LBP: variants seen among roughly 807,000 people sequenced by gnomAD.
LBP encodes lipopolysaccharide binding protein, also known as lipopolysaccharide-binding protein.
LBP carries 53 observed loss-of-function variants against 56.6 expected under a neutral mutation model. That is an observed-to-expected ratio of 0.94 (90% CI 0.75 to 1.18). LBP has a LOEUF of 1.18. Among genes scored for constraint, LBP ranks in the 50% most tolerant of loss-of-function variants. LBP has a pLI of 0.00. For synonymous variants in LBP, 227 were observed against 247.5 expected, an observed-to-expected ratio of 0.92 and a Z score of 0.78; for missense variants, 601 against 598.3, an observed-to-expected ratio of 1.00 and a Z score of -0.05.
Position 38,369,051 on chromosome 20 carries a change from T to C in LBP, c.1038T>C (p.Ala346=), listed in dbSNP as rs974029806. Residue 346 remains alanine, a synonymous_variant, in exon 10 of 15, where the codon GCT becomes GCC. Transcript: ENST00000217407. ...AACTCCAGGGATCAGTGCCCTCTGCTCCGCTCCTGAACTTCAGCCCTGGGA... is the reference window on the plus strand; with the variant it reads ...AACTCCAGGGATCAGTGCCCTCTGCCCCGCTCCTGAACTTCAGCCCTGGGA... ...NLELQGSVPS[A]PLLNFSPGNL... The C allele has an allele frequency of 8.7e-6, 14 of 1,613,990 alleles. No individual in the cohort carries two copies. Among genetic ancestry groups the C allele is most frequent in the Non-Finnish European group, 1.1e-5 (13 of 1,180,020 alleles).
chr20:38,357,866 T>G (rs2076846760), intron 5 of LBP, among the ~76,000 whole-genome samples: 1 of 152,246 alleles, frequency 6.6e-6, no homozygotes, highest in Non-Finnish European at 1.5e-5. Flanking sequence ...ATGGCATTTG[T>G]AAACTGTCTT....
chr20:38,365,710 AAAAAAAAATATAT>A (rs1324246152), intron 8 of LBP, among the ~76,000 whole-genome samples: 546 of 42,672 alleles, frequency 0.013, 6 homozygotes, highest in African/African-American at 0.033. Context: ...AAAAAAAAAA[AAAAAAAAATATAT>A]ATATATATAT....
At chr20:38,359,411 G>A (rs1192701462) in intron 5 of LBP, among the ~76,000 whole-genome samples, 1 of 151,908 alleles carries the variant, frequency 6.6e-6, no homozygotes, top group Non-Finnish European at 1.5e-5. Context: ...TGAGACCCCA[G>A]TCTCTACTAA....
At position 38,374,008 on chromosome 20, in the gene LBP, C is replaced by CATA. The variant is rs1209751111; in HGVS notation, c.1398_1400dup (p.His466_Lys467insAsn). Reference sequence around the variant, plus strand: ...GCTCTACGACCTTGGGCTGCAGATCCATAAGGTCGGTGGGTTCAGGGGGGC... The same window carrying CATA: ...GCTCTACGACCTTGGGCTGCAGATCCATAATAAGGTCGGTGGGTTCAGGGGGGC... On this transcript the variant is annotated inframe_insertion, in exon 14 of 15. Coordinates refer to ENST00000217407, the MANE Select transcript of LBP (RefSeq NM_004139.5). 3 of 1,613,938 alleles carry CATA rather than the reference C, an allele frequency of 1.9e-6. No individual in the cohort carries two copies. The Admixed American group carries it at 5.0e-5, about 27-fold the overall frequency.
intron 8 of LBP, 113 bp from the exon 9 acceptor site, chr20:38,366,656 C>A (rs535882013): frequency 4.0e-6 from 4 of 994,990 alleles, no homozygotes; most frequent in Admixed American, 1.7e-5. Flanking sequence ...GCCAGGGTAA[C>A]CCAGGCTGTG....
chr20:38,362,009 G>A (rs1461330652), intron 6 of LBP, among the ~76,000 whole-genome samples: 1 of 151,202 alleles, frequency 6.6e-6, no homozygotes, highest in African/African-American at 2.4e-5. Flanking sequence ...TAAAATATGA[G>A]GTCAGGGCTG....
chr20:38,351,101 A>T (rs1421733259), intron 3 of LBP, among the ~76,000 whole-genome samples, 162 bp downstream of exon 3: 2 of 152,168 alleles, frequency 1.3e-5, no homozygotes, highest in African/African-American at 2.4e-5. Flanking sequence ...CTCTTGGATG[A>T]GTGTCTTTCT....
intron 1 of LBP, among the ~76,000 whole-genome samples, chr20:38,348,746 A>AAGTTTAGTTTAGTTT (rs375624891): frequency 0.022 from 2,947 of 137,010 alleles, 66 homozygotes; most frequent in South Asian, 0.066. Flanking sequence ...CCAATGAGGA[A>AAGTTTAGTTTAGTTT]AGTTTAGTTT....
In LBP at chr20:38,366,842, T is replaced by C. The variant is rs750372269; in HGVS notation, c.981+14T>C. 22 of 1,612,104 alleles carry C rather than the reference T, an allele frequency of 1.4e-5. No individual in the cohort carries two copies. The African/African-American group carries it at 2.9e-4, about 22-fold the overall frequency. On this transcript the variant is annotated intron_variant, in intron 9 of 14. Transcript: ENST00000217407. ...TTCGTCCCACGGGTAAGGAGTCCCT[T>C]AGTTCCCCATGAGTGCAGACCGAGC...
intron 10 of LBP, among the ~76,000 whole-genome samples, 172 bp downstream of exon 10, chr20:38,369,334 CG>C (rs1568835381): frequency 6.6e-6 from 1 of 152,168 alleles, no homozygotes; most frequent in East Asian, 1.9e-4. Context: ...ATCTACCTTA[CG>C]CCCCTTGCCA....
chr20:38,349,086 C>A (rs892427735), intron 1 of LBP, among the ~76,000 whole-genome samples: 2 of 152,162 alleles, frequency 1.3e-5, no homozygotes, highest in African/African-American at 4.8e-5. Context: ...TGAGCCACCA[C>A]GCCCAGCAAA....
At chr20:38,347,396 T>C (rs745463703) in intron 1 of LBP, among the ~76,000 whole-genome samples, 6 of 151,688 alleles carry the variant, frequency 4.0e-5, no homozygotes, top group Non-Finnish European at 2.9e-5. Flanking sequence ...ATACAAAAAT[T>C]AGCCAGTCTT....
chr20:38,373,790 G>A, intron 13 of LBP, 147 bp from the exon 14 acceptor site: 1 of 685,116 alleles, frequency 1.5e-6, no homozygotes, highest in Non-Finnish European at 2.5e-6. Flanking sequence ...AAAATGGAAA[G>A]AATAATCACA....
At chr20:38,366,582 C>T (rs372520095) in intron 8 of LBP, among the ~76,000 whole-genome samples, 187 bp from the exon 9 acceptor site, 47 of 152,304 alleles carry the variant, frequency 3.1e-4, no homozygotes, top group African/African-American at 1.1e-3. Context: ...CCGGGGAGAG[C>T]GGGCAGGATG....
At position 38,369,037 on chromosome 20, in the gene LBP, T is replaced by G. The variant is rs755034185; in HGVS notation, c.1024T>G (p.Ser342Ala). The part of the protein sequence containing the change: ...YPNMNLELQG[S>A]VPSAPLLNFS... ...CAACATGAACCTGGAACTCCAGGGATCAGTGCCCTCTGCTCCGCTCCTGAA... is the reference window on the plus strand; with the variant it reads ...CAACATGAACCTGGAACTCCAGGGAGCAGTGCCCTCTGCTCCGCTCCTGAA... Residue 342 changes from serine to alanine, a missense_variant, in exon 10 of 15, where the codon TCA becomes GCA. Transcript: ENST00000217407. 6.2e-7 allele frequency: 1 copy of G among 1,614,172 alleles called. No homozygotes were observed. The highest frequency in any genetic ancestry group is 1.3e-5 in the African/African-American group (1 of 75,038).
rs41481051 is a variant in LBP, at chr20:38,355,381, C to A, written c.560C>A (p.Ser187Tyr). The A allele has an allele frequency of 6.2e-7, 1 of 1,613,772 alleles. No homozygotes were observed. Among genetic ancestry groups the A allele is most frequent in the East Asian group, 2.2e-5 (1 of 44,874 alleles). Reference protein sequence around the residue: ...LLNLFHNQIESKFQKVLESRI... With the variant: ...LLNLFHNQIEYKFQKVLESRI... ...AACCTCTTCCACAACCAGATTGAGT[C>A]CAAGTTCCAGAAAGTACTGGAGAGC... The change falls in exon 5 of 15, where the codon TCC (serine) becomes TAC (tyrosine). Residue 187 changes from serine (S) to tyrosine (Y), a missense_variant. By Grantham distance (144) the Ser-to-Tyr change is moderately radical. Transcript: ENST00000217407.
intron 8 of LBP, among the ~76,000 whole-genome samples, chr20:38,365,419 G>A (rs555605018): frequency 2.6e-5 from 4 of 151,694 alleles, no homozygotes; most frequent in East Asian, 2.0e-4. Context: ...GAATGAGGCC[G>A]GGCAAGGTGG....
In LBP at chr20:38,368,497, G is replaced by A. The variant is rs1252092934; in HGVS notation, c.982-498G>A. 2.0e-5 allele frequency among the ~76,000 whole-genome samples: 3 copies of A among 152,136 alleles called. No homozygotes were observed. In the South Asian group the frequency reaches 6.2e-4, roughly 31 times the overall value. ...ACCTGTAATCCCAGCTACTTGGGAG[G>A]CTGCAGAAGGAGAATCGCTTGAACC... On this transcript the variant is annotated intron_variant, in intron 9 of 14. Coordinates refer to ENST00000217407, the MANE Select transcript of LBP (RefSeq NM_004139.5).
chr20:38,362,578 A>G (rs1200391814), intron 6 of LBP, among the ~76,000 whole-genome samples: 4 of 151,512 alleles, frequency 2.6e-5, no homozygotes, highest in Non-Finnish European at 5.9e-5. Flanking sequence ...GTGCTACTGC[A>G]CTCCAGCCTG....
Sources: gnomAD v4.1 joint callset for allele counts (sites outside exome capture counted in the v4.1 genomes callset) on GRCh38, gnomAD v4.1.1 for gene constraint, MANE v1.5 for transcripts, NCBI Gene and HGNC (gene_info 2026-07-23, HGNC 2026-07-21) for gene names.